The following HEATR6 variants were observed in gnomAD, a reference collection of about 807,000 sequenced individuals.
HEATR6 encodes the protein HEAT repeat containing 6.
Under a neutral mutation model 132.8 loss-of-function variants are expected in HEATR6, and 106 were observed. The ratio of observed to expected loss-of-function variants is 0.80; its 90% CI spans 0.68 to 0.94. HEATR6 has a LOEUF of 0.94. Ranked by LOEUF, HEATR6 falls within the 40% of genes least tolerant of loss-of-function variation. HEATR6 has a pLI of 0.00. For synonymous variants in HEATR6, 529 were observed against 537.8 expected (o/e 0.98, Z 0.23); for missense variants, 1,339 against 1,425.1 (o/e 0.94, Z 0.97).
At chr17:60,066,921 G>A (rs546797983) in intron 8 of HEATR6, among the ~76,000 whole-genome samples, 23 of 152,190 alleles carry the variant, frequency 1.5e-4, no homozygotes, top group South Asian at 1.0e-3. Context: ...TTAGCAAGAC[G>A]AAAAGGCAAA....
At chr17:60,063,503 C>A (rs2083223016) in intron 9 of HEATR6, 1 of 152,156 alleles carries the variant, frequency 6.6e-6, no homozygotes, top group African/African-American at 2.4e-5. Flanking sequence ...AGCACATTTC[C>A]AACATGGAAA....
At position 60,067,486 on chromosome 17, in the gene HEATR6, T is replaced by C; in HGVS notation, c.1186A>G (p.Ser396Gly). 6.2e-7 allele frequency: 1 copy of C among 1,601,330 alleles called. No individual in the cohort carries two copies. Among genetic ancestry groups the C allele is most frequent in the Non-Finnish European group, 8.5e-7 (1 of 1,175,254 alleles). ...GCATCAGAAAAGTCTGACTCACTAC[T>C]GCTGACCCTTTTCCAACTGGAAGAA... ...FSSSSWKRVS[S>G]SESDFSDAEG... Residue 396 changes from serine to glycine, a missense_variant, in exon 8 of 20, where the codon AGT (serine) becomes GGT (glycine). Coordinates refer to ENST00000184956, the MANE Select transcript of HEATR6 (RefSeq NM_022070.5).
intron 2 of HEATR6, among the ~76,000 whole-genome samples, chr17:60,074,374 G>C (rs1484490734): frequency 6.6e-6 from 1 of 152,182 alleles, no homozygotes; most frequent in Non-Finnish European, 1.5e-5. Context: ...GCTAATCCAA[G>C]TGTCAATTTA....
At chr17:60,076,729 A>C (rs1048108479) in intron 1 of HEATR6, 1 of 153,178 alleles carries the variant, frequency 6.5e-6, no homozygotes, top group African/African-American at 2.4e-5. Context: ...AGAAAAAAAA[A>C]GGAAAAGAAT....
At chr17:60,064,554 T>G (rs1396150450) in intron 9 of HEATR6, 2 of 152,252 alleles carry the variant, frequency 1.3e-5, no homozygotes, top group African/African-American at 2.4e-5. Context: ...TTTAATTTCT[T>G]TCATCTTTTA....
At chr17:60,055,965 C>T (rs1906731144) in intron 13 of HEATR6, 150 bp downstream of exon 13, 4 of 926,622 alleles carry the variant, frequency 4.3e-6, no homozygotes, top group South Asian at 3.6e-5. Context: ...TGCATGTCCT[C>T]CTTACCTGAA....
chr17:60,073,068 A>G, intron 4 of HEATR6, 96 bp downstream of exon 4: 1 of 662,980 alleles, frequency 1.5e-6, no homozygotes, highest in Non-Finnish European at 2.7e-6. Context: ...TATTTGTCTA[A>G]GTTGGCTCTG....
chr17:60,057,494 T>C lies in HEATR6; in HGVS notation c.1724-91A>G, dbSNP rs78613443. ...CAGCAGGCAATTAAAAATTAGTAGT[T>C]CCTTGTGTAACCTGAATCTAATCAA... is the stretch of plus-strand genomic sequence containing the variant. On this transcript the variant is annotated intron_variant, in intron 11 of 19. Coordinates refer to ENST00000184956, the MANE Select transcript of HEATR6 (RefSeq NM_022070.5). 2.3e-3 allele frequency: 1,908 copies of C among 820,682 alleles called. 32 individuals carry two copies. In the African/African-American group the frequency reaches 0.03, roughly 13 times the overall value. 50.8% of individuals were successfully genotyped at this position (820,682 alleles called of 1,614,324 possible). A position where few individuals can be genotyped will look rare whatever the true frequency, so the allele number is the denominator to read the frequency against.
In HEATR6 at chr17:60,067,472, G is replaced by C; in HGVS notation, c.1200C>G (p.Asp400Glu). ...SWKRVSSSES[D>E]FSDAEGGMQS... ...GCATGCCTCCTTCAGCATCAGAAAAGTCTGACTCACTACTGCTGACCCTTT... is the reference window on the plus strand; with the variant it reads ...GCATGCCTCCTTCAGCATCAGAAAACTCTGACTCACTACTGCTGACCCTTT... The change falls in exon 8 of 20, where the codon GAC becomes GAG. Residue 400 changes from aspartate (D) to glutamate (E), a missense_variant. Physicochemically the swap from Asp to Glu is conservative, Grantham distance 45. Transcript: ENST00000184956. 6.3e-7 allele frequency: 1 copy of C among 1,575,770 alleles called. No homozygotes were observed. The highest frequency in any genetic ancestry group is 1.2e-5 in the South Asian group (1 of 84,034).
intron 14 of HEATR6, among the ~76,000 whole-genome samples, chr17:60,053,030 T>C (rs1159192464): frequency 6.6e-6 from 1 of 152,110 alleles, no homozygotes; most frequent in Admixed American, 6.6e-5. Context: ...TGGATGTGTG[T>C]CCCCTCCAAA....
chr17:60,071,508 A>G (rs1298680657), intron 5 of HEATR6, among the ~76,000 whole-genome samples: 1 of 152,234 alleles, frequency 6.6e-6, no homozygotes, highest in African/African-American at 2.4e-5. Context: ...CAATGTGGTT[A>G]TATCAGTCCC....
chr17:60,073,775 C>T lies in HEATR6; in HGVS notation c.439G>A (p.Val147Met), dbSNP rs1434964505. The T allele has an allele frequency of 1.2e-6, 2 of 1,613,898 alleles. No individual in the cohort carries two copies. Among genetic ancestry groups the T allele is most frequent in the African/African-American group, 1.3e-5 (1 of 74,904 alleles). Reference protein sequence around the residue: ...REILQALAALVYCNGSKCQKY... With the variant: ...REILQALAALMYCNGSKCQKY... ...TGACATTTGGAGCCATTGCAGTACA[C>T]CAGAGCTGCCAGGGCTTGAAGAATT... The change falls in exon 3 of 20, where the codon GTG becomes ATG. Residue 147 changes from valine to methionine, a missense_variant. Val to Met is a conservative substitution (Grantham distance 21). Coordinates refer to ENST00000184956, the MANE Select transcript of HEATR6 (RefSeq NM_022070.5).
intron 12 of HEATR6, 22 bp from the exon 13 acceptor site, chr17:60,056,259 A>T: frequency 6.2e-7 from 1 of 1,609,860 alleles, no homozygotes; most frequent in South Asian, 1.1e-5. Context: ...GCATGGAATT[A>T]ACCCTCTAAG....
At chr17:60,055,278 T>C (rs1249080447) in intron 14 of HEATR6, among the ~76,000 whole-genome samples, 2 of 152,196 alleles carry the variant, frequency 1.3e-5, no homozygotes. Context: ...AAAAGAAATA[T>C]TAGTTTTACT....
In HEATR6 at chr17:60,049,027, C is replaced by T. The variant is rs1193983854; in HGVS notation, c.2547+553G>A. Among the ~76,000 whole-genome samples, 18 of 89,156 alleles carry T rather than the reference C, an allele frequency of 2.0e-4. No individual in the cohort carries two copies. In the South Asian group the frequency reaches 5.2e-3, roughly 26 times the overall value. 58.5% of individuals were successfully genotyped at this position (89,156 alleles called of 152,430 possible). On this transcript the variant is annotated intron_variant, in intron 16 of 19. Coordinates refer to ENST00000184956, the MANE Select transcript of HEATR6 (RefSeq NM_022070.5). ...ATATATATATATATATATGGTAATG[C>T]CTTAGTTCATTTATATATATGGTAA...
intron 11 of HEATR6, among the ~76,000 whole-genome samples, chr17:60,057,747 A>C (rs2145189363): frequency 6.6e-6 from 1 of 152,364 alleles, no homozygotes; most frequent in East Asian, 1.9e-4. Context: ...ACAGTGACAT[A>C]ATAACTAAAT....
intron 19 of HEATR6, among the ~76,000 whole-genome samples, 156 bp from the exon 20 acceptor site, chr17:60,044,290 G>T (rs1409544853): frequency 1.3e-5 from 2 of 152,202 alleles, no homozygotes; most frequent in African/African-American, 4.8e-5. Context: ...CAAGGGTGGT[G>T]ACTGACTGTA....
At chr17:60,045,014 A>G (rs201106848) in intron 19 of HEATR6, among the ~76,000 whole-genome samples, 5 of 152,184 alleles carry the variant, frequency 3.3e-5, no homozygotes, top group African/African-American at 1.2e-4. Context: ...GCCTCTTTGG[A>G]GCTTCCCTTT....
chr17:60,070,822 G>A lies in HEATR6; in HGVS notation c.700-15C>T. ...TTTTGCAATAACTAGGGGGAAAAGG[G>A]AGACCCAGTTAGAAGGCAGAATAAA... On this transcript the variant is annotated splice_polypyrimidine_tract_variant and intron_variant, in intron 5 of 19. Coordinates refer to ENST00000184956, the MANE Select transcript of HEATR6 (RefSeq NM_022070.5). 1 of 1,360,174 alleles carries A rather than the reference G, an allele frequency of 7.4e-7. No individual in the cohort carries two copies. 84.3% of individuals were successfully genotyped at this position (1,360,174 alleles called of 1,614,324 possible). A position where few individuals can be genotyped will look rare whatever the true frequency, so the allele number is the denominator to read the frequency against.
Sources: allele counts gnomAD v4.1 joint callset (sites outside exome capture counted in the v4.1 genomes callset), GRCh38; gene constraint gnomAD v4.1.1; transcripts MANE v1.5; gene names NCBI Gene and HGNC (gene_info 2026-07-23, HGNC 2026-07-21).